The following COQ7 variants were observed in gnomAD, a reference collection of about 807,000 sequenced individuals.
COQ7 encodes coenzyme Q7, hydroxylase, also known as NADPH-dependent 3-demethoxyubiquinone 3-hydroxylase, mitochondrial.
A neutral mutation model predicts 25.0 loss-of-function variants in COQ7; 21 were observed. That is an observed-to-expected ratio of 0.84 (90% CI 0.60 to 1.21). COQ7 has a LOEUF of 1.21. Ranked by LOEUF, COQ7 falls within the 50% of genes most tolerant of loss-of-function variation. The pLI is 0.00. For synonymous variants in COQ7, 125 were observed against 112.4 expected (o/e 1.11, Z -0.71); for missense variants, 311 against 296.2 (o/e 1.05, Z -0.37).
chr16:19,078,632 T>G lies in COQ7; in HGVS notation c.*474T>G, dbSNP rs1484499968. ...CACCACAGCTGGCTAATTCTATTTT[T>G]TTATAGAGGCGAAGTCTCACTATGT... On this transcript the variant is annotated 3_prime_UTR_variant, in exon 6 of 6. Coordinates refer to ENST00000321998, the MANE Select transcript of COQ7 (RefSeq NM_016138.5). 1.3e-5 allele frequency: 2 copies of G among 151,938 alleles called. No individual in the cohort carries two copies. Among genetic ancestry groups the G allele is most frequent in the Non-Finnish European group, 2.9e-5 (2 of 68,026 alleles). The allele number at this position is 151,938 out of a possible 1,614,324, so 9.4% of individuals were successfully genotyped here. A position where few individuals can be genotyped will look rare whatever the true frequency, so the allele number is the denominator to read the frequency against.
rs1410575508 is a variant in COQ7, at chr16:19,067,931, CAGG to C, written c.73+199_73+201del. On this transcript the variant is annotated intron_variant, in intron 1 of 5. Transcript: ENST00000321998. Reference sequence around the variant, plus strand: ...GGTCTGTAGTTAGCGGCGAGAGTGACAGGAGGACAGGGGTTGTTTCGGCAGTGA... The same window carrying C: ...GGTCTGTAGTTAGCGGCGAGAGTGACAGGACAGGGGTTGTTTCGGCAGTGA... The C allele has an allele frequency of 1.2e-5, 18 of 1,460,732 alleles. No individual in the cohort carries two copies. The Admixed American group carries it at 2.2e-4, about 18-fold the overall frequency. 90.5% of individuals were successfully genotyped at this position (1,460,732 alleles called of 1,614,324 possible). A position where few individuals can be genotyped will look rare whatever the true frequency, so the allele number is the denominator to read the frequency against.
At chr16:19,067,810 C>A in intron 1 of COQ7, 73 bp downstream of exon 1, 1 of 1,563,926 alleles carries the variant, frequency 6.4e-7, no homozygotes, top group South Asian at 1.1e-5. Flanking sequence ...AGGTTTGGGT[C>A]GAAGAGGTCA....
Position 19,078,250 on chromosome 16 carries a change from T to C in COQ7, c.*92T>C, listed in dbSNP as rs531603133. ...CAGGTGTACAGTTATCGTTGTACTT[T>C]TGTACAATGTGAATTTTGTTAATAA... On this transcript the variant is annotated 3_prime_UTR_variant, in exon 6 of 6. Coordinates refer to ENST00000321998, the MANE Select transcript of COQ7 (RefSeq NM_016138.5). 43 of 884,000 alleles carry C rather than the reference T, an allele frequency of 4.9e-5. No individual in the cohort carries two copies. In the Admixed American group the frequency reaches 8.2e-4, roughly 17 times the overall value. 54.8% of individuals were successfully genotyped at this position (884,000 alleles called of 1,614,324 possible). A position where few individuals can be genotyped will look rare whatever the true frequency, so the allele number is the denominator to read the frequency against.
At chr16:19,074,885 C>CAACAGAGAA (rs1468404955) in intron 3 of COQ7, among the ~76,000 whole-genome samples, 7 of 152,022 alleles carry the variant, frequency 4.6e-5, no homozygotes, top group Non-Finnish European at 1.0e-4. Context: ...TAAAAATAAA[C>CAACAGAGAA]AACAGAGAAA....
At chr16:19,071,343 C>T (rs1405670624) in intron 1 of COQ7, among the ~76,000 whole-genome samples, 1 of 152,206 alleles carries the variant, frequency 6.6e-6, no homozygotes, top group African/African-American at 2.4e-5. Flanking sequence ...ACCATGTTGG[C>T]GAGGCTGGTC....
intron 2 of COQ7, chr16:19,072,398 C>T: frequency 2.7e-6 from 1 of 375,148 alleles, no homozygotes. Flanking sequence ...CTCAGCACAG[C>T]AGTCAACTGT....
intron 1 of COQ7, among the ~76,000 whole-genome samples, chr16:19,069,687 A>C (rs1293984765): frequency 6.6e-6 from 1 of 152,084 alleles, no homozygotes; most frequent in Non-Finnish European, 1.5e-5. Flanking sequence ...CTGGGATTAC[A>C]GGCGTGAGTC....
chr16:19,076,028 C>T (rs1962820349), intron 4 of COQ7, among the ~76,000 whole-genome samples, 168 bp downstream of exon 4: 1 of 152,066 alleles, frequency 6.6e-6, no homozygotes, highest in African/African-American at 2.4e-5. Flanking sequence ...GAGGTGAACC[C>T]GTCTGCCCTG....
intron 1 of COQ7, among the ~76,000 whole-genome samples, chr16:19,070,564 C>T (rs1962501419): frequency 6.6e-6 from 1 of 152,096 alleles, no homozygotes; most frequent in South Asian, 2.1e-4. Context: ...GAAACCCCGT[C>T]TCTACTAAAA....
chr16:19,074,705 C>T (rs914175585), intron 3 of COQ7, among the ~76,000 whole-genome samples: 2 of 152,006 alleles, frequency 1.3e-5, no homozygotes, highest in South Asian at 2.1e-4. Context: ...CATGCCACCA[C>T]GCACAGCTCT....
In COQ7 at chr16:19,075,879, G is replaced by T; in HGVS notation, c.507+19G>T. On this transcript the variant is annotated intron_variant, in intron 4 of 5. Coordinates refer to ENST00000321998, the MANE Select transcript of COQ7 (RefSeq NM_016138.5). The stretch of plus-strand genomic sequence containing the variant: ...TCTTCAGGTATTTATCCGTGCTCTA[G>T]AACGGGGCTGCTCAAGGAGGAAAAT... 6.2e-7 allele frequency: 1 copy of T among 1,614,084 alleles called. No homozygotes were observed. The highest frequency in any genetic ancestry group is 8.5e-7 in the Non-Finnish European group (1 of 1,179,988).
At chr16:19,074,401 T>C (rs1962726754) in intron 3 of COQ7, among the ~76,000 whole-genome samples, 1 of 151,968 alleles carries the variant, frequency 6.6e-6, no homozygotes, top group East Asian at 1.9e-4. Context: ...GGTGCGTGCC[T>C]GTAATCCCAG....
chr16:19,081,614 A>C (rs1963100818), downstream of COQ7, among the ~76,000 whole-genome samples: 1 of 152,244 alleles, frequency 6.6e-6, no homozygotes, highest in South Asian at 2.1e-4. Context: ...TCCTTATGGA[A>C]CAGAATTCCA....
chr16:19,080,861 G>A (rs565577405), downstream of COQ7, among the ~76,000 whole-genome samples: 4 of 152,214 alleles, frequency 2.6e-5, no homozygotes, highest in East Asian at 5.8e-4. Flanking sequence ...ACAGACAATC[G>A]TAGTCTTGTT....
At chr16:19,082,644 C>T (rs975558983), downstream of COQ7, among the ~76,000 whole-genome samples, 4 of 151,852 alleles carry the variant, frequency 2.6e-5, no homozygotes, top group Non-Finnish European at 5.9e-5. Context: ...ATTAGCCGGG[C>T]GTAGTCCCAG....
intron 1 of COQ7, chr16:19,068,675 AAAG>A (rs139382640): frequency 0.27 from 57,001 of 212,142 alleles, 7,383 homozygotes; most frequent in African/African-American, 0.34. Flanking sequence ...AAAAAAAAAA[AAAG>A]AAATTTCATG....
chr16:19,077,110 G>A (rs763527004), intron 4 of COQ7, among the ~76,000 whole-genome samples, 196 bp from the exon 5 acceptor site: 11 of 152,202 alleles, frequency 7.2e-5, no homozygotes, highest in Non-Finnish European at 1.3e-4. Flanking sequence ...CCATTTGTTT[G>A]CATGTCTCCG....
At chr16:19,073,434 G>A (rs987900324) in intron 2 of COQ7, among the ~76,000 whole-genome samples, 2 of 152,108 alleles carry the variant, frequency 1.3e-5, no homozygotes, top group Non-Finnish European at 2.9e-5. Flanking sequence ...TTGAGGCTGC[G>A]GTGAGCCATG....
intron 2 of COQ7, among the ~76,000 whole-genome samples, chr16:19,073,707 T>A (rs1426332290): frequency 1.3e-5 from 2 of 152,210 alleles, no homozygotes; most frequent in African/African-American, 4.8e-5. Flanking sequence ...GGAATTGAGA[T>A]AATAGACTGT....
Sources: gnomAD v4.1 joint callset for allele counts (sites outside exome capture counted in the v4.1 genomes callset) on GRCh38, gnomAD v4.1.1 for gene constraint, MANE v1.5 for transcripts, NCBI Gene and HGNC (gene_info 2026-07-23, HGNC 2026-07-21) for gene names.